The following CNTN4 variants were observed in gnomAD, a reference collection of about 807,000 sequenced individuals.
CNTN4 encodes the protein contactin-4.
A neutral mutation model predicts 122.5 loss-of-function variants in CNTN4; 77 were observed. The ratio of observed to expected loss-of-function variants is 0.63; its 90% CI spans 0.52 to 0.76. The LOEUF is 0.76. CNTN4 is among the 30% of genes least tolerant of loss of function. The pLI, the probability that CNTN4 is intolerant of heterozygous loss-of-function variation, is 0.00. For missense variants in CNTN4, 1,256 were observed against 1,259.1 expected (o/e 1.00, Z 0.04); for synonymous variants, 512 against 447.0 (o/e 1.15, Z -1.83).
chr3:2,459,643 C>A (rs776474466), intron 3 of CNTN4, among the ~76,000 whole-genome samples: 1 of 152,130 alleles, frequency 6.6e-6, no homozygotes, highest in East Asian at 1.9e-4. Context: ...AGGTGGCAAG[C>A]AGAGAAGGAG....
chr3:2,829,754 G>A (rs557639600), intron 7 of CNTN4, among the ~76,000 whole-genome samples: 47 of 152,236 alleles, frequency 3.1e-4, no homozygotes, highest in African/African-American at 1.1e-3. Context: ...TATAAGTAAC[G>A]AACGTTTCCT....
chr3:2,104,348 G>A (rs971119409), intron 2 of CNTN4, among the ~76,000 whole-genome samples: 3 of 151,864 alleles, frequency 2.0e-5, no homozygotes, highest in Non-Finnish European at 4.4e-5. Flanking sequence ...AATTCCACAG[G>A]GCCTTGTAAC....
intron 4 of CNTN4, among the ~76,000 whole-genome samples, chr3:2,595,195 C>G (rs1045447476): frequency 6.6e-6 from 1 of 152,158 alleles, no homozygotes; most frequent in African/African-American, 2.4e-5. Context: ...ACACAATTGA[C>G]TGAGTATTTC....
At chr3:2,844,898 C>T (rs2150563842) in intron 7 of CNTN4, among the ~76,000 whole-genome samples, 1 of 152,256 alleles carries the variant, frequency 6.6e-6, no homozygotes, top group African/African-American at 2.4e-5. Context: ...CTGTGGCAAG[C>T]TGAAGGTTCA....
chr3:2,639,933 G>A (rs115840801), intron 4 of CNTN4, among the ~76,000 whole-genome samples: 6 of 152,102 alleles, frequency 3.9e-5, no homozygotes, highest in Middle Eastern at 3.2e-3. Context: ...CCCTTTCCCC[G>A]TGCTAGGGCT....
At chr3:2,612,265 C>G (rs2081531162) in intron 4 of CNTN4, among the ~76,000 whole-genome samples, 1 of 152,032 alleles carries the variant, frequency 6.6e-6, no homozygotes, top group Non-Finnish European at 1.5e-5. Context: ...CGCAGCTTAG[C>G]CCAGCCTAAC....
chr3:2,653,354 G>T (rs182061107), intron 4 of CNTN4, among the ~76,000 whole-genome samples: 5 of 152,014 alleles, frequency 3.3e-5, no homozygotes, highest in Non-Finnish European at 5.9e-5. Context: ...TCTACCAGTT[G>T]AGCAACTGGT....
rs547432300 is a variant in CNTN4, at chr3:2,744,616, A to G, written c.183-906A>G. On this transcript the variant is annotated intron_variant, in intron 5 of 24. Transcript: ENST00000418658. ...AGTTGTGGGGGTAAACGAATCGGATAGTGACTGAGTTATATTAGTGCAAAC... is the reference window on the plus strand; with the variant it reads ...AGTTGTGGGGGTAAACGAATCGGATGGTGACTGAGTTATATTAGTGCAAAC... Among the ~76,000 whole-genome samples the G allele has an allele frequency of 2.0e-5, 3 of 152,376 alleles. No homozygotes were observed. The South Asian group carries it at 6.2e-4, about 32-fold the overall frequency.
In CNTN4 at chr3:2,417,573, T is replaced by C. The variant is rs73804529; in HGVS notation, c.-89+78340T>C. On this transcript the variant is annotated intron_variant, in intron 3 of 24. Transcript: ENST00000418658. ...AATAAACTAGCTAATAAAATGAGAT[T>C]AGAACCTTCAAAACTAAACATCCTC... Among the ~76,000 whole-genome samples, 534 of 152,282 alleles carry C rather than the reference T, an allele frequency of 3.5e-3. 2 individuals are homozygous for C. The highest frequency in any genetic ancestry group is 0.012 in the African/African-American group (481 of 41,562).
At chr3:2,348,541 T>C in intron 3 of CNTN4, among the ~76,000 whole-genome samples, 1 of 152,190 alleles carries the variant, frequency 6.6e-6, no homozygotes, top group East Asian at 1.9e-4. Context: ...GAGTCTTCAG[T>C]TCCTCTGTTC....
At chr3:2,529,405 A>T (rs1165112998) in intron 3 of CNTN4, among the ~76,000 whole-genome samples, 1 of 152,114 alleles carries the variant, frequency 6.6e-6, no homozygotes, top group Non-Finnish European at 1.5e-5. Flanking sequence ...ATATTGCTGC[A>T]ACAAATATGG....
Position 2,664,332 on chromosome 3 carries a change from G to A in CNTN4, c.56-71883G>A, listed in dbSNP as rs762381357. Among the ~76,000 whole-genome samples the A allele has an allele frequency of 5.9e-5, 9 of 152,136 alleles. No homozygotes were observed. In the South Asian group the frequency reaches 6.2e-4, roughly 11 times the overall value. On this transcript the variant is annotated intron_variant, in intron 4 of 24. Coordinates refer to ENST00000418658, the MANE Select transcript of CNTN4 (RefSeq NM_175607.3). ...TGATTTTCTTTTTTGGTCCAGAATT[G>A]CATTTGCATTTTTCTGTGGGAAACA... is the stretch of plus-strand genomic sequence containing the variant.
intron 2 of CNTN4, among the ~76,000 whole-genome samples, chr3:2,199,268 C>A (rs2037985091): frequency 6.6e-6 from 1 of 152,090 alleles, no homozygotes; most frequent in African/African-American, 2.4e-5. Flanking sequence ...CTACTTCCTT[C>A]TTCCCAGTTG....
intron 3 of CNTN4, among the ~76,000 whole-genome samples, chr3:2,405,272 A>G (rs1170533029): frequency 1.3e-5 from 2 of 152,142 alleles, no homozygotes; most frequent in African/African-American, 2.4e-5. Flanking sequence ...GAGAGCTTGA[A>G]ATTAATGACA....
At chr3:2,999,549 A>G (rs1290183150) in intron 14 of CNTN4, among the ~76,000 whole-genome samples, 1 of 152,122 alleles carries the variant, frequency 6.6e-6, no homozygotes, top group Non-Finnish European at 1.5e-5. Flanking sequence ...GGAGGGGCCA[A>G]TTGTCAGTTC....
chr3:2,285,841 G>A (rs961269932), intron 2 of CNTN4, among the ~76,000 whole-genome samples: 5 of 151,952 alleles, frequency 3.3e-5, no homozygotes, highest in African/African-American at 1.2e-4. Flanking sequence ...TTTATAATAT[G>A]AACATCTTCC....
chr3:3,022,437 A>G lies in CNTN4; in HGVS notation c.1487-3665A>G, dbSNP rs541224628. Reference sequence around the variant, plus strand: ...AATATAAAACAGCGTAGTGTTTTAAAAAATAGAATCCTTATCCAATGGACC... The same window carrying G: ...AATATAAAACAGCGTAGTGTTTTAAGAAATAGAATCCTTATCCAATGGACC... On this transcript the variant is annotated intron_variant, in intron 14 of 24. Coordinates refer to ENST00000418658, the MANE Select transcript of CNTN4 (RefSeq NM_175607.3). Among the ~76,000 whole-genome samples the G allele has an allele frequency of 5.9e-5, 9 of 152,292 alleles. No homozygotes were observed. In the South Asian group the frequency reaches 1.7e-3, roughly 28 times the overall value.
chr3:2,129,843 A>T (rs2125270745), intron 2 of CNTN4, among the ~76,000 whole-genome samples: 1 of 152,126 alleles, frequency 6.6e-6, no homozygotes, highest in South Asian at 2.1e-4. Context: ...TAACAGATAG[A>T]TCCTTTCAAA....
At chr3:2,986,977 G>A (rs1694638730) in intron 13 of CNTN4, among the ~76,000 whole-genome samples, 1 of 152,184 alleles carries the variant, frequency 6.6e-6, no homozygotes, top group Admixed American at 6.5e-5. Context: ...AAATAAAGTG[G>A]CTGCAGGAAA....
Sources: gnomAD v4.1 joint callset for allele counts (sites outside exome capture counted in the v4.1 genomes callset) on GRCh38, gnomAD v4.1.1 for gene constraint, MANE v1.5 for transcripts, NCBI Gene and HGNC (gene_info 2026-07-23, HGNC 2026-07-21) for gene names.